ARHGEF15: variants seen among roughly 807,000 people sequenced by gnomAD.
ARHGEF15 encodes Rho guanine nucleotide exchange factor (GEF) 15.
A neutral mutation model predicts 79.7 loss-of-function variants in ARHGEF15; 58 were observed. That is an observed-to-expected ratio of 0.73 (90% confidence interval 0.59 to 0.91). ARHGEF15 has a LOEUF of 0.91. Ranked by LOEUF, ARHGEF15 falls within the 40% of genes least tolerant of loss-of-function variation. The pLI is 0.00. For missense variants in ARHGEF15, 1,012 were observed against 1,108.1 expected (o/e 0.91, Z 1.23); for synonymous variants, 442 against 456.0 (o/e 0.97, Z 0.39).
chr17:8,316,469 C>A (rs1186324902), intron 9 of ARHGEF15, among the ~76,000 whole-genome samples: 1 of 152,210 alleles, frequency 6.6e-6, no homozygotes, highest in Non-Finnish European at 1.5e-5. Flanking sequence ...CTCGCTGGGT[C>A]TCAGGGGGAG....
rs1025708820 is a variant in ARHGEF15 at position 8,320,276 on chromosome 17, GA to G, written c.2375-554del. ...ACATGTGAAGGTTATGAGTGTTATGGAAAAAAAAAAAAGTGAGCAGAGCAAA... is the reference window on the plus strand; with the variant it reads ...ACATGTGAAGGTTATGAGTGTTATGGAAAAAAAAAAAGTGAGCAGAGCAAA... On this transcript the variant is annotated intron_variant, in intron 15 of 15. Transcript: ENST00000361926. Among the ~76,000 whole-genome samples the G allele has an allele frequency of 5.6e-4, 81 of 144,100 alleles. 1 individual carries two copies. Among genetic ancestry groups the G allele is most frequent in the East Asian group, 1.6e-3 (8 of 5,038 alleles). 94.5% of individuals were successfully genotyped at this position (144,100 alleles called of 152,430 possible).
chr17:8,318,912 T>G lies in ARHGEF15; in HGVS notation c.2033+2T>G. On this transcript the variant is annotated splice_donor_variant, in intron 12 of 15. Transcript: ENST00000361926. LOFTEE classifies it high-confidence loss of function. This position sits in a 1 kb window ranked among gnomAD's most constrained non-coding sequence, Gnocchi z 5.0. ...GCTGCTCATCACTCAGCCTAAGAGGTGAGTCCTAGGGAAGGAAGGAGCCCA... is the reference window on the plus strand; with the variant it reads ...GCTGCTCATCACTCAGCCTAAGAGGGGAGTCCTAGGGAAGGAAGGAGCCCA... The G allele has an allele frequency of 6.2e-7, 1 of 1,611,580 alleles. No individual in the cohort carries two copies. The highest frequency in any genetic ancestry group is 8.5e-7 in the Non-Finnish European group (1 of 1,179,648).
At position 8,313,135 on chromosome 17, in the gene ARHGEF15, G is replaced by T; in HGVS notation, c.815G>T (p.Arg272Leu). ...VLTSYRSTAE[R>L]KLLPLLKPPK... ...ACATCCTACCGCTCCACTGCTGAGC[G>T]CAAACTCCTGCCACTCCTCAAGCCT... The change falls in exon 3 of 16, where the codon CGC becomes CTC. Residue 272 changes from arginine to leucine, a missense_variant. Physicochemically the swap from Arg to Leu is moderately radical, Grantham distance 102. Coordinates refer to ENST00000361926, the MANE Select transcript of ARHGEF15 (RefSeq NM_173728.4). 6.2e-7 allele frequency: 1 copy of T among 1,612,760 alleles called. No homozygotes were observed. The highest frequency in any genetic ancestry group is 8.5e-7 in the Non-Finnish European group (1 of 1,179,932).
At position 8,312,236 on chromosome 17, in the gene ARHGEF15, C is replaced by T. The variant is rs1904673636; in HGVS notation, c.197C>T (p.Pro66Leu). The T allele has an allele frequency of 6.4e-7, 1 of 1,561,172 alleles. No individual in the cohort carries two copies. Among genetic ancestry groups the T allele is most frequent in the Non-Finnish European group, 8.7e-7 (1 of 1,152,712 alleles). ...TGCACCCCCATCTTCTGGGAGCCCC[C>T]AGCTGCATCCCTCAAGCCCCCTGCT... ...PMCTPIFWEP[P>L]AASLKPPALL... is the part of the protein sequence containing the mutation. The change falls in exon 2 of 16, where the codon CCA becomes CTA. Residue 66 changes from proline to leucine, a missense_variant. This residue lies in a region of ARHGEF15 where 818 missense variants were observed against 882.5 expected (regional missense o/e 0.93). Coordinates refer to ENST00000361926, the MANE Select transcript of ARHGEF15 (RefSeq NM_173728.4).
chr17:8,314,252 T>C (rs1010019918), intron 4 of ARHGEF15, among the ~76,000 whole-genome samples: 2 of 152,204 alleles, frequency 1.3e-5, no homozygotes, highest in Admixed American at 6.5e-5. Flanking sequence ...ATCTCTTCTA[T>C]GCTATCCAGG....
At position 8,320,806 on chromosome 17, in the gene ARHGEF15, C is replaced by T. The variant is rs754464553; in HGVS notation, c.2375-36C>T. 4 of 1,608,440 alleles carry T rather than the reference C, an allele frequency of 2.5e-6. No homozygotes were observed. In the Admixed American group the frequency reaches 6.7e-5, roughly 27 times the overall value. On this transcript the variant is annotated intron_variant, in intron 15 of 15. Coordinates refer to ENST00000361926, the MANE Select transcript of ARHGEF15 (RefSeq NM_173728.4). ...TTTGCCTCCTCACCTGCTCCCTGCC[C>T]CCACCTCATTGGAGCCTCTGTCTCT...
Position 8,316,125 on chromosome 17 carries a change from A to C in ARHGEF15, c.1681A>C (p.Thr561Pro), listed in dbSNP as rs751583631. ...CCTGCTACTGCCCTTCCAGCGCATC[A>C]CCCGGCTGCGCATGCTGCTGCAGGT... Reference protein sequence around the residue: ...SFLLLPFQRITRLRMLLQNIL... With the variant: ...SFLLLPFQRIPRLRMLLQNIL... The change falls in exon 9 of 16, where the codon ACC becomes CCC. Residue 561 changes from threonine (T) to proline (P), a missense_variant. By Grantham distance (38) the Thr-to-Pro change is conservative. Around this residue, in one of 3 missense-constraint regions of ARHGEF15, gnomAD observed 818 missense variants for 882.5 expected, o/e 0.93. Transcript: ENST00000361926. The C allele has an allele frequency of 6.2e-7, 1 of 1,602,318 alleles. No individual in the cohort carries two copies. Among genetic ancestry groups the C allele is most frequent in the East Asian group, 2.2e-5 (1 of 44,732 alleles).
chr17:8,319,275 T>C, intron 13 of ARHGEF15, 37 bp from the exon 14 acceptor site: 1 of 1,610,396 alleles, frequency 6.2e-7, no homozygotes, highest in Admixed American at 1.7e-5. Flanking sequence ...AGAGGATCTT[T>C]TGGGCCAACT....
chr17:8,321,588 T>C lies in ARHGEF15; in HGVS notation c.*595T>C, dbSNP rs1300866375. ...GTCTCAGAAAATCTGTGTGTGTACATGTGCATGTGTAGATATGTGTGTATA... is the reference window on the plus strand; with the variant it reads ...GTCTCAGAAAATCTGTGTGTGTACACGTGCATGTGTAGATATGTGTGTATA... On this transcript the variant is annotated 3_prime_UTR_variant, in exon 16 of 16. Transcript: ENST00000361926. The C allele has an allele frequency of 6.5e-6, 1 of 153,090 alleles. No homozygotes were observed. Among genetic ancestry groups the C allele is most frequent in the Non-Finnish European group, 1.5e-5 (1 of 68,698 alleles). The allele number at this position is 153,090 out of a possible 1,614,324, so 9.5% of individuals were successfully genotyped here. A position where few individuals can be genotyped will look rare whatever the true frequency, so the allele number is the denominator to read the frequency against.
At position 8,315,392 on chromosome 17, in the gene ARHGEF15, G is replaced by T. The variant is rs1471888440; in HGVS notation, c.1261-22G>T. ...TCCCACGGTGAACTGGGCTTCCCAC[G>T]ACTGCCTGCTTTTCTTTCTAGAGTC... On this transcript the variant is annotated intron_variant, in intron 6 of 15. Coordinates refer to ENST00000361926, the MANE Select transcript of ARHGEF15 (RefSeq NM_173728.4). The surrounding 1 kb of genome is among the most constrained non-coding windows in gnomAD (Gnocchi z 4.3). 9 of 1,613,766 alleles carry T rather than the reference G, an allele frequency of 5.6e-6. No individual in the cohort carries two copies. In the East Asian group the frequency reaches 1.3e-4, roughly 24 times the overall value.
chr17:8,312,737 G>T, intron 2 of ARHGEF15, 97 bp downstream of exon 2: 1 of 1,600,194 alleles, frequency 6.2e-7, no homozygotes, highest in Non-Finnish European at 8.5e-7. Flanking sequence ...TTTCAAAAAT[G>T]GAGTTAATGT....
chr17:8,312,675 C>T, intron 2 of ARHGEF15, 35 bp downstream of exon 2: 11 of 1,610,892 alleles, frequency 6.8e-6, no homozygotes, highest in African/African-American at 1.3e-5. Flanking sequence ...TGGGTGACCT[C>T]AATCCACCCA....
intron 2 of ARHGEF15, 100 bp downstream of exon 2, chr17:8,312,740 G>C: frequency 6.3e-7 from 1 of 1,599,136 alleles, no homozygotes; most frequent in Non-Finnish European, 8.5e-7. Flanking sequence ...CAAAAATGGA[G>C]TTAATGTTTG....
At chr17:8,311,889 C>A in intron 1 of ARHGEF15, 102 bp from the exon 2 acceptor site, 1 of 718,936 alleles carries the variant, frequency 1.4e-6, no homozygotes, top group Non-Finnish European at 2.2e-6. Flanking sequence ...AACCCCCACA[C>A]CAGCCTTCCC....
rs761524215 is a variant in ARHGEF15, at chr17:8,315,930, G to C, written c.1574+23G>C. On this transcript the variant is annotated intron_variant, in intron 8 of 15. Transcript: ENST00000361926. The surrounding 1 kb of genome is among the most constrained non-coding windows in gnomAD (Gnocchi z 4.3). ...CATGTGAGTGTCCCAGGGGTGGGGA[G>C]GAAGCTGGGGAGAGGGATGGGACCG... 2.5e-6 allele frequency: 4 copies of C among 1,605,586 alleles called. No individual in the cohort carries two copies. The Admixed American group carries it at 6.7e-5, about 27-fold the overall frequency.
At chr17:8,319,473 C>T in intron 14 of ARHGEF15, 26 bp from the exon 15 acceptor site, 1 of 1,590,764 alleles carries the variant, frequency 6.3e-7, no homozygotes, top group Non-Finnish European at 8.6e-7. Context: ...AACAGAATCA[C>T]TTTAATGTCA....
chr17:8,316,586 G>C (rs1180539181), intron 9 of ARHGEF15, among the ~76,000 whole-genome samples: 1 of 152,238 alleles, frequency 6.6e-6, no homozygotes, highest in Non-Finnish European at 1.5e-5. Context: ...TTCTTTGGGG[G>C]TGAAAATAAT....
In ARHGEF15 at chr17:8,321,241, GT is replaced by G; in HGVS notation, c.*249del. The G allele has an allele frequency of 2.0e-6, 1 of 501,872 alleles. No individual in the cohort carries two copies. Among genetic ancestry groups the G allele is most frequent in the South Asian group, 2.8e-5 (1 of 35,754 alleles). The allele number at this position is 501,872 out of a possible 1,614,324, so 31.1% of individuals were successfully genotyped here. A position where few individuals can be genotyped will look rare whatever the true frequency, so the allele number is the denominator to read the frequency against. On this transcript the variant is annotated 3_prime_UTR_variant, in exon 16 of 16. Coordinates refer to ENST00000361926, the MANE Select transcript of ARHGEF15 (RefSeq NM_173728.4). The stretch of plus-strand genomic sequence containing the variant: ...AGGCTTAGTGCAGAGCAGCCAATGG[GT>G]ACTGAGCTGGCTGAGCCTATGGCCA...
In ARHGEF15 at chr17:8,319,617, T is replaced by C; in HGVS notation, c.2374+14T>C. 1 of 1,528,048 alleles carries C rather than the reference T, an allele frequency of 6.5e-7. No individual in the cohort carries two copies. The highest frequency in any genetic ancestry group is 8.8e-7 in the Non-Finnish European group (1 of 1,139,562). The allele number at this position is 1,528,048 out of a possible 1,614,324, so 94.7% of individuals were successfully genotyped here. ...AGACCCCTGAAGGTGAGAAAGTCTT[T>C]CATTTATTTATTTTGTATTTATTAT... On this transcript the variant is annotated intron_variant, in intron 15 of 15. Transcript: ENST00000361926.
Sources: allele counts gnomAD v4.1 joint callset (sites outside exome capture counted in the v4.1 genomes callset), GRCh38; gene constraint gnomAD v4.1.1; regional missense constraint gnomAD v4.1.1; non-coding constraint Gnocchi (gnomAD v3.1); transcripts MANE v1.5; gene names NCBI Gene and HGNC (gene_info 2026-07-23, HGNC 2026-07-21).